Variants in APPL2 observed in about 807,000 individuals in gnomAD.
The protein encoded by APPL2 is adaptor protein, phosphotyrosine interacting with PH domain and leucine zipper 2, also known as DCC-interacting protein 13-beta.
A neutral mutation model predicts 92.7 loss-of-function variants in APPL2; 84 were observed. That is an observed-to-expected ratio of 0.91 (90% CI 0.76 to 1.09). APPL2 has a LOEUF of 1.09. Among genes scored for constraint, APPL2 ranks in the 50% least tolerant of loss-of-function variants. The pLI is 0.00. For synonymous variants in APPL2, 291 were observed against 291.0 expected (o/e 1.00, Z 0.00); for missense variants, 736 against 824.5 (o/e 0.89, Z 1.31).
intron 11 of APPL2, among the ~76,000 whole-genome samples, chr12:105,197,254 G>A (rs1050438206): frequency 1.1e-4 from 16 of 152,142 alleles, no homozygotes; most frequent in Non-Finnish European, 1.6e-4. Flanking sequence ...CCACCTCTTT[G>A]GGGCCCCTCA....
rs142081525 is a variant in APPL2, at chr12:105,176,739, GGAGGTATTATCT to G, written c.1812+125_1812+136del. On this transcript the variant is annotated intron_variant, in intron 19 of 20. Coordinates refer to ENST00000258530, the MANE Select transcript of APPL2 (RefSeq NM_018171.5). The stretch of plus-strand genomic sequence containing the variant: ...GTTTTCTTTCAGTGAGGCCTTCTTA[GGAGGTATTATCT>G]GAACTCCTGGATGGAGACATGCAGA... 9.3e-4 allele frequency: 1,049 copies of G among 1,122,538 alleles called. 6 individuals carry two copies. In the African/African-American group the frequency reaches 0.015, roughly 16 times the overall value. 69.5% of individuals were successfully genotyped at this position (1,122,538 alleles called of 1,614,324 possible).
intron 1 of APPL2, chr12:105,229,711 TTGCAGGAG>T: frequency 1.0e-6 from 1 of 986,802 alleles, no homozygotes; most frequent in Non-Finnish European, 1.2e-6. Context: ...CTTGGATGTC[TTGCAGGAG>T]TGTAGGAGTG....
In APPL2 at chr12:105,177,147, G is replaced by A. The variant is rs1885624013; in HGVS notation, c.1671+79C>T. Reference sequence around the variant, plus strand: ...TTAGTGGCAGATCTTTATTAATAAAGTGCCTAGGCTGTGTTTAAGGTAGAT... The same window carrying A: ...TTAGTGGCAGATCTTTATTAATAAAATGCCTAGGCTGTGTTTAAGGTAGAT... On this transcript the variant is annotated intron_variant, in intron 18 of 20. Transcript: ENST00000258530. 3 of 1,596,828 alleles carry A rather than the reference G, an allele frequency of 1.9e-6. No homozygotes were observed. In the South Asian group the frequency reaches 3.3e-5, roughly 18 times the overall value.
intron 17 of APPL2, among the ~76,000 whole-genome samples, chr12:105,181,306 A>G (rs950523369): frequency 6.6e-6 from 1 of 152,200 alleles, no homozygotes; most frequent in Non-Finnish European, 1.5e-5. Flanking sequence ...CCCAGGGATG[A>G]AGCCAACTTG....
intron 11 of APPL2, among the ~76,000 whole-genome samples, chr12:105,197,487 C>G (rs1052803800): frequency 6.6e-6 from 1 of 152,238 alleles, no homozygotes; most frequent in East Asian, 1.9e-4. Context: ...CTAACAAGCA[C>G]GACTTCTGTT....
chr12:105,206,589 A>G (rs565132776), intron 8 of APPL2, among the ~76,000 whole-genome samples: 9 of 152,326 alleles, frequency 5.9e-5, no homozygotes, highest in Non-Finnish European at 1.3e-4. Flanking sequence ...CTCATAAAGC[A>G]CTGGCAACGT....
chr12:105,207,896 C>T, intron 7 of APPL2, 75 bp downstream of exon 7: 1 of 1,379,094 alleles, frequency 7.3e-7, no homozygotes, highest in Non-Finnish European at 1.0e-6. Context: ...CCTTTCATGC[C>T]ATAAATTCAC....
intron 17 of APPL2, 64 bp from the exon 18 acceptor site, chr12:105,177,326 T>G: frequency 6.6e-7 from 1 of 1,511,034 alleles, no homozygotes; most frequent in East Asian, 2.3e-5. Context: ...CTAGAAGAGT[T>G]TGTAGAAGTC....
intron 19 of APPL2, chr12:105,176,354 T>C (rs1885543036): frequency 1.8e-6 from 1 of 540,630 alleles, no homozygotes; most frequent in African/African-American, 2.0e-5. Flanking sequence ...GGAATTTTTC[T>C]TCTCTCTCTT....
intron 5 of APPL2, among the ~76,000 whole-genome samples, chr12:105,209,966 C>T (rs1889073900): frequency 1.4e-5 from 2 of 146,376 alleles, no homozygotes; most frequent in South Asian, 4.3e-4. Flanking sequence ...AATCTTCACC[C>T]TTTTTTTTTT....
chr12:105,223,470 G>T (rs1413245009), intron 2 of APPL2, among the ~76,000 whole-genome samples: 1 of 151,966 alleles, frequency 6.6e-6, no homozygotes, highest in Non-Finnish European at 1.5e-5. Context: ...CCCAGGAGGG[G>T]GCCAGGAGAC....
At position 105,174,292 on chromosome 12, in the gene APPL2, T is replaced by C. The variant is rs1170851389; in HGVS notation, c.*22A>G. The C allele has an allele frequency of 3.7e-6, 6 of 1,612,272 alleles. No individual in the cohort carries two copies. The highest frequency in any genetic ancestry group is 5.1e-6 in the Non-Finnish European group (6 of 1,179,088). On this transcript the variant is annotated 3_prime_UTR_variant, in exon 21 of 21. Transcript: ENST00000258530. ...AGGTAGCTCTCCTTCCTGTTTGCTC[T>C]TCCCCCACAGGCGCAAGTGAGTTAT...
At chr12:105,176,591 T>A (rs1033145543) in intron 19 of APPL2, among the ~76,000 whole-genome samples, 14 of 152,214 alleles carry the variant, frequency 9.2e-5, no homozygotes, top group African/African-American at 3.4e-4. Context: ...AGAACAAATT[T>A]GAGGGGAACT....
intron 8 of APPL2, 89 bp from the exon 9 acceptor site, chr12:105,203,874 C>A: frequency 8.5e-7 from 1 of 1,182,670 alleles, no homozygotes; most frequent in South Asian, 1.3e-5. Context: ...GTGAGGGCAG[C>A]CATCACAGCT....
At position 105,200,884 on chromosome 12, in the gene APPL2, C is replaced by G. The variant is rs56112842; in HGVS notation, c.705-1353G>C. Among the ~76,000 whole-genome samples, 247 of 131,874 alleles carry G rather than the reference C, an allele frequency of 1.9e-3. No homozygotes were observed. The East Asian group carries it at 0.024, about 13-fold the overall frequency. The allele number at this position is 131,874 out of a possible 152,430, so 86.5% of individuals were successfully genotyped here. A position where few individuals can be genotyped will look rare whatever the true frequency, so the allele number is the denominator to read the frequency against. ...TGTATGTATCTATCTATCTATCTAT[C>G]TATCTATCTATCTATCTATCCTATC... On this transcript the variant is annotated intron_variant, in intron 9 of 20. Coordinates refer to ENST00000258530, the MANE Select transcript of APPL2 (RefSeq NM_018171.5).
chr12:105,176,716 T>C (rs1487104555), intron 19 of APPL2, 160 bp downstream of exon 19: 2 of 899,604 alleles, frequency 2.2e-6, no homozygotes, highest in African/African-American at 3.4e-5. Flanking sequence ...TAAATCGAGT[T>C]TTCTTTCAGT....
rs147110048 is a variant in APPL2 at position 105,183,752 on chromosome 12, G to A, written c.1634+4521C>T. Among the ~76,000 whole-genome samples the A allele has an allele frequency of 3.9e-3, 591 of 152,192 alleles. 2 individuals are homozygous for A. The highest frequency in any genetic ancestry group is 0.014 in the African/African-American group (564 of 41,530). On this transcript the variant is annotated intron_variant, in intron 17 of 20. Coordinates refer to ENST00000258530, the MANE Select transcript of APPL2 (RefSeq NM_018171.5). ...TATGTGTCTTGGGGTTGCTCTTCTC[G>A]AGGAGTATCTTTGTGGTGTTCTCTG...
Position 105,173,324 on chromosome 12 carries a change from G to C in APPL2, c.*990C>G, listed in dbSNP as rs1885161444. The C allele has an allele frequency of 6.6e-6, 1 of 150,920 alleles. No homozygotes were observed. Among genetic ancestry groups the C allele is most frequent in the Admixed American group, 6.6e-5 (1 of 15,184 alleles). 9.3% of individuals were successfully genotyped at this position (150,920 alleles called of 1,614,324 possible). ...AGAAACAGAATATTTTTTATTGCTA[G>C]GTTAATTTATTACAAAGATAATAAT... On this transcript the variant is annotated 3_prime_UTR_variant, in exon 21 of 21. Coordinates refer to ENST00000258530, the MANE Select transcript of APPL2 (RefSeq NM_018171.5).
intron 5 of APPL2, among the ~76,000 whole-genome samples, chr12:105,210,777 A>G (rs1370209598): frequency 8.0e-6 from 1 of 124,506 alleles, no homozygotes; most frequent in African/African-American, 2.9e-5. Context: ...CATGGTTCCT[A>G]TCCCGTCTTC....
Sources: allele counts gnomAD v4.1 joint callset (sites outside exome capture counted in the v4.1 genomes callset), GRCh38; gene constraint gnomAD v4.1.1; transcripts MANE v1.5; gene names NCBI Gene and HGNC (gene_info 2026-07-23, HGNC 2026-07-21).